Variants in DPYD observed in about 807,000 individuals in gnomAD.
DPYD encodes dihydropyrimidine dehydrogenase.
A neutral mutation model predicts 116.2 loss-of-function variants in DPYD; 109 were observed. That is an observed-to-expected ratio of 0.94 (90% confidence interval 0.80 to 1.10). The LOEUF (loss-of-function observed/expected upper bound fraction) is 1.10. Ranked by LOEUF, DPYD falls within the 50% of genes least tolerant of loss-of-function variation. The pLI is 0.00. For missense variants in DPYD, 1,302 were observed against 1,254.5 expected, an observed-to-expected ratio of 1.04 and a Z score of -0.57; for synonymous variants, 440 against 432.0, an observed-to-expected ratio of 1.02 and a Z score of -0.23.
At chr1:97,296,916 C>T (rs940868353) in intron 18 of DPYD, among the ~76,000 whole-genome samples, 67 of 151,996 alleles carry the variant, frequency 4.4e-4, no homozygotes, top group African/African-American at 1.6e-3. Context: ...GTTATTTATT[C>T]CTAGTAGGTT....
chr1:97,227,049 T>A (rs1431597833), intron 19 of DPYD, among the ~76,000 whole-genome samples: 1 of 151,962 alleles, frequency 6.6e-6, no homozygotes, highest in Admixed American at 6.6e-5. Flanking sequence ...ATAATTGGGC[T>A]GGGCATGGTG....
chr1:97,287,284 G>C (rs1314973079), intron 18 of DPYD, among the ~76,000 whole-genome samples: 1 of 152,158 alleles, frequency 6.6e-6, no homozygotes, highest in Non-Finnish European at 1.5e-5. Flanking sequence ...CGTTCCTCTG[G>C]AAGTTCTGTC....
intron 19 of DPYD, among the ~76,000 whole-genome samples, chr1:97,195,900 C>T (rs1434507959): frequency 6.6e-6 from 1 of 151,192 alleles, no homozygotes; most frequent in Admixed American, 6.6e-5. Context: ...CTGGATGTAA[C>T]ACTCGGCAAT....
At chr1:97,342,098 A>ATCTAGT (rs1188313799) in intron 16 of DPYD, among the ~76,000 whole-genome samples, 1 of 152,242 alleles carries the variant, frequency 6.6e-6, no homozygotes, top group Non-Finnish European at 1.5e-5. Context: ...AATTTATTTC[A>ATCTAGT]GAGAAGTATA....
At chr1:97,717,872 A>T (rs559111802) in intron 5 of DPYD, among the ~76,000 whole-genome samples, 1 of 151,786 alleles carries the variant, frequency 6.6e-6, no homozygotes, top group South Asian at 2.1e-4. Context: ...CCATTGACTG[A>T]TGTGTATTTG....
chr1:97,341,360 G>T (rs1669578363), intron 16 of DPYD, among the ~76,000 whole-genome samples: 1 of 152,092 alleles, frequency 6.6e-6, no homozygotes, highest in Admixed American at 6.5e-5. Flanking sequence ...CTGCAGATAT[G>T]CTTAGATTGA....
chr1:97,543,101 T>C (rs1300277793), intron 12 of DPYD, among the ~76,000 whole-genome samples: 1 of 152,202 alleles, frequency 6.6e-6, no homozygotes, highest in East Asian at 1.9e-4. Context: ...CCCAAGAAGA[T>C]AGCAGCTCTA....
Position 97,841,306 on chromosome 1 carries a change from T to C in DPYD, c.151-13110A>G, listed in dbSNP as rs186156326. 3.3e-5 allele frequency among the ~76,000 whole-genome samples: 5 copies of C among 152,178 alleles called. No individual in the cohort carries two copies. The East Asian group carries it at 9.6e-4, about 29-fold the overall frequency. On this transcript the variant is annotated intron_variant, in intron 2 of 22. Transcript: ENST00000370192. ...ATTATTCCCTGAACTGATCCTTTTA[T>C]GAGATTATCACAGAGACAAGAGAAG...
chr1:97,173,246 G>A (rs1375129500), intron 20 of DPYD, among the ~76,000 whole-genome samples: 2 of 119,368 alleles, frequency 1.7e-5, no homozygotes, highest in East Asian at 2.9e-4. Context: ...ACACATATAT[G>A]TACATATATG....
intron 16 of DPYD, among the ~76,000 whole-genome samples, chr1:97,323,833 A>T (rs1668564842): frequency 1.3e-5 from 2 of 151,204 alleles, no homozygotes; most frequent in South Asian, 2.1e-4. Flanking sequence ...TTCCCTTCCT[A>T]TTTGCAGGAA....
intron 22 of DPYD, among the ~76,000 whole-genome samples, chr1:97,082,090 T>A (rs1483088198): frequency 1.3e-5 from 2 of 152,152 alleles, no homozygotes; most frequent in African/African-American, 2.4e-5. Flanking sequence ...TTGTGGCTGA[T>A]GAAATGGTAT....
At chr1:97,521,977 T>C (rs539061419) in intron 12 of DPYD, among the ~76,000 whole-genome samples, 4 of 152,150 alleles carry the variant, frequency 2.6e-5, no homozygotes, top group South Asian at 2.1e-4. Context: ...CCTAGTCAAA[T>C]ACCTCAGGAC....
intron 13 of DPYD, among the ~76,000 whole-genome samples, chr1:97,489,349 G>C (rs989369273): frequency 2.0e-5 from 3 of 152,152 alleles, no homozygotes; most frequent in Non-Finnish European, 4.4e-5. Context: ...ATAAAGGTAG[G>C]AAAATGTTGA....
At chr1:97,385,106 C>T (rs1287518719) in intron 14 of DPYD, among the ~76,000 whole-genome samples, 1 of 151,466 alleles carries the variant, frequency 6.6e-6, no homozygotes, top group Non-Finnish European at 1.5e-5. Context: ...AAAGGGGCAC[C>T]ATGTAATTAC....
intron 1 of DPYD, among the ~76,000 whole-genome samples, chr1:97,913,493 A>T (rs1479018298): frequency 6.6e-6 from 1 of 152,162 alleles, no homozygotes; most frequent in Non-Finnish European, 1.5e-5. Context: ...GTCAGAGAGC[A>T]AGGGATCTAT....
chr1:97,736,533 C>T (rs909090695), intron 4 of DPYD, among the ~76,000 whole-genome samples: 3 of 151,744 alleles, frequency 2.0e-5, no homozygotes, highest in African/African-American at 7.3e-5. Context: ...CTAAATAAAG[C>T]AATTATAATA....
intron 3 of DPYD, among the ~76,000 whole-genome samples, chr1:97,776,224 C>A (rs180963707): frequency 9.3e-4 from 142 of 152,202 alleles, no homozygotes; most frequent in Middle Eastern, 3.4e-3. Flanking sequence ...CTCATGAATG[C>A]CTGCAAAGTG....
intron 14 of DPYD, among the ~76,000 whole-genome samples, chr1:97,386,613 T>C (rs1049684259): frequency 1.3e-5 from 2 of 152,168 alleles, no homozygotes; most frequent in Non-Finnish European, 2.9e-5. Context: ...AGTTGTCATG[T>C]TTTGAAGAAA....
At chr1:97,691,546 A>T in intron 7 of DPYD, 171 bp downstream of exon 7, 1 of 586,694 alleles carries the variant, frequency 1.7e-6, no homozygotes, top group Non-Finnish European at 3.0e-6. Context: ...AGTGGCATTC[A>T]GACAGTAGAC....
Sources: gnomAD v4.1 joint callset for allele counts (sites outside exome capture counted in the v4.1 genomes callset) on GRCh38, gnomAD v4.1.1 for gene constraint, MANE v1.5 for transcripts, NCBI Gene and HGNC (gene_info 2026-07-23, HGNC 2026-07-21) for gene names.